SPAG16: variants seen among roughly 807,000 people sequenced by gnomAD.
The protein encoded by SPAG16 is sperm associated antigen 16, also known as sperm-associated antigen 16 protein.
A neutral mutation model predicts 80.4 loss-of-function variants in SPAG16; 86 were observed. That is an observed-to-expected ratio of 1.07 (90% confidence interval 0.90 to 1.28). SPAG16 has a LOEUF of 1.28. SPAG16 is among the 50% of genes most tolerant of loss of function. The pLI, the probability that SPAG16 is intolerant of heterozygous loss-of-function variation, is 0.00. For synonymous variants in SPAG16, 294 were observed against 265.9 expected, an observed-to-expected ratio of 1.11 and a Z score of -1.03; for missense variants, 870 against 765.3, an observed-to-expected ratio of 1.14 and a Z score of -1.61.
chr2:214,381,962 G>A (rs1276873865), intron 15 of SPAG16, among the ~76,000 whole-genome samples: 1 of 152,130 alleles, frequency 6.6e-6, no homozygotes, highest in East Asian at 1.9e-4. Flanking sequence ...TATTAATTCA[G>A]AACTGACTTG....
At chr2:213,767,991 A>T (rs754398274) in intron 10 of SPAG16, among the ~76,000 whole-genome samples, 1 of 152,190 alleles carries the variant, frequency 6.6e-6, no homozygotes, top group Non-Finnish European at 1.5e-5. Context: ...AAAGTGCTGC[A>T]CTGGAACAGC....
chr2:213,668,457 C>A (rs960842827), intron 10 of SPAG16, among the ~76,000 whole-genome samples: 1 of 151,820 alleles, frequency 6.6e-6, no homozygotes, highest in African/African-American at 2.4e-5. Flanking sequence ...TATGGAATGT[C>A]TTAATTAAAG....
chr2:214,369,822 C>T (rs1699699990), intron 15 of SPAG16, among the ~76,000 whole-genome samples: 1 of 152,016 alleles, frequency 6.6e-6, no homozygotes. Flanking sequence ...TCATATTTTG[C>T]CTCTGCTAAG....
chr2:214,019,563 T>C (rs2047755335), intron 13 of SPAG16, among the ~76,000 whole-genome samples: 2 of 152,168 alleles, frequency 1.3e-5, no homozygotes, highest in South Asian at 4.1e-4. Flanking sequence ...CGAGTTTCTA[T>C]AAAGTGGATA....
chr2:214,175,182 A>G (rs1431283819), intron 15 of SPAG16, among the ~76,000 whole-genome samples: 2 of 147,992 alleles, frequency 1.4e-5, no homozygotes, highest in Non-Finnish European at 3.0e-5. Context: ...AAATTGAGGA[A>G]CCAGGAATAA....
chr2:214,242,537 G>A (rs1462903631), intron 15 of SPAG16, among the ~76,000 whole-genome samples: 1 of 152,042 alleles, frequency 6.6e-6, no homozygotes, highest in African/African-American at 2.4e-5. Flanking sequence ...CCAGTAAGAA[G>A]TCTCTCAACT....
chr2:213,481,969 A>G (rs1010505845), intron 9 of SPAG16, among the ~76,000 whole-genome samples: 1 of 152,246 alleles, frequency 6.6e-6, no homozygotes, highest in Non-Finnish European at 1.5e-5. Context: ...AATTACAGAC[A>G]GTAATAGGAT....
chr2:213,513,678 A>T (rs930349582), intron 10 of SPAG16, among the ~76,000 whole-genome samples: 19 of 152,234 alleles, frequency 1.2e-4, no homozygotes, highest in African/African-American at 4.3e-4. Context: ...GGAAGACTGG[A>T]CAATGTGTGC....
chr2:213,701,145 C>T (rs1034631199), intron 10 of SPAG16, among the ~76,000 whole-genome samples: 1 of 152,116 alleles, frequency 6.6e-6, no homozygotes, highest in Non-Finnish European at 1.5e-5. Context: ...GAGGCTGAGG[C>T]AGGAGAATCG....
intron 13 of SPAG16, among the ~76,000 whole-genome samples, chr2:214,029,082 C>A (rs967348202): frequency 6.6e-6 from 1 of 151,952 alleles, no homozygotes; most frequent in Non-Finnish European, 1.5e-5. Flanking sequence ...TGTAAGAAAT[C>A]TTTTGCTGGT....
At chr2:214,192,637 T>C (rs5838416) in intron 15 of SPAG16, among the ~76,000 whole-genome samples, 1 of 2,882 alleles carries the variant, frequency 3.5e-4, no homozygotes, top group African/African-American at 3.2e-3. Context: ...ATTCCTTTAT[T>C]TTTTTTGTAC....
intron 15 of SPAG16, among the ~76,000 whole-genome samples, chr2:214,296,237 C>G (rs537861455): frequency 1.8e-4 from 28 of 152,226 alleles, no homozygotes; most frequent in Non-Finnish European, 3.4e-4. Context: ...TAATTTCATT[C>G]TTTTTTATGG....
chr2:214,334,318 G>A (rs746886421), intron 15 of SPAG16, among the ~76,000 whole-genome samples: 8 of 152,134 alleles, frequency 5.3e-5, no homozygotes, highest in Admixed American at 2.6e-4. Context: ...GCGAATAAGG[G>A]GAGTACTAAA....
chr2:214,339,079 A>C (rs1697491827), intron 15 of SPAG16, among the ~76,000 whole-genome samples: 1 of 152,218 alleles, frequency 6.6e-6, no homozygotes. Flanking sequence ...AAATCAATAG[A>C]TACCCAATCA....
At chr2:213,799,737 TTATCAGAATCCA>T (rs1192292525) in intron 10 of SPAG16, among the ~76,000 whole-genome samples, 1 of 152,124 alleles carries the variant, frequency 6.6e-6, no homozygotes, top group African/African-American at 2.4e-5. Context: ...GTTATAGGAC[TTATCAGAATCCA>T]TAATTGAGGA....
chr2:213,567,382 C>G (rs1263273782), intron 10 of SPAG16, among the ~76,000 whole-genome samples: 2 of 96,480 alleles, frequency 2.1e-5, no homozygotes, highest in African/African-American at 8.4e-5. Flanking sequence ...TCCCTCCCCC[C>G]TCCCCCGACC....
intron 9 of SPAG16, among the ~76,000 whole-genome samples, chr2:213,426,591 C>G (rs1177450120): frequency 6.6e-6 from 1 of 151,930 alleles, no homozygotes; most frequent in Non-Finnish European, 1.5e-5. Flanking sequence ...TGTATTATCA[C>G]TGCTAACTAG....
intron 10 of SPAG16, among the ~76,000 whole-genome samples, chr2:213,747,648 G>T (rs2067888921): frequency 6.6e-6 from 1 of 152,218 alleles, no homozygotes; most frequent in South Asian, 2.1e-4. Context: ...ATACAGGTTT[G>T]TAGGCTAGGA....
chr2:213,303,028 T>G (rs907945092), intron 3 of SPAG16, among the ~76,000 whole-genome samples: 19 of 152,106 alleles, frequency 1.2e-4, no homozygotes, highest in African/African-American at 4.6e-4. Flanking sequence ...CCAAAAAAAC[T>G]GAGGTAGCAT....
Sources: allele counts gnomAD v4.1 joint callset (sites outside exome capture counted in the v4.1 genomes callset), GRCh38; gene constraint gnomAD v4.1.1; transcripts MANE v1.5; gene names NCBI Gene and HGNC (gene_info 2026-07-23, HGNC 2026-07-21).